The following DENND2C variants were observed in gnomAD, a reference collection of about 807,000 sequenced individuals.
DENND2C encodes DENN domain-containing protein 2C.
A neutral mutation model predicts 112.4 loss-of-function variants in DENND2C; 72 were observed. The ratio of observed to expected loss-of-function variants is 0.64; its 90% CI spans 0.53 to 0.78. The LOEUF (loss-of-function observed/expected upper bound fraction) is 0.78, where lower values mean the gene tolerates loss of function less well. Among genes scored for constraint, DENND2C ranks in the 30% least tolerant of loss-of-function variants. DENND2C has a pLI of 0.00. For missense variants in DENND2C, 992 were observed against 1,113.8 expected (o/e 0.89, Z 1.56); for synonymous variants, 329 against 381.6 (o/e 0.86, Z 1.61).
intron 1 of DENND2C, among the ~76,000 whole-genome samples, chr1:114,658,507 A>C (rs1657393328): frequency 6.6e-6 from 1 of 152,200 alleles, no homozygotes; most frequent in Non-Finnish European, 1.5e-5. Context: ...TAACAGCAAA[A>C]ATTAAAAAGA....
chr1:114,641,666 G>A (rs890982874), intron 3 of DENND2C, among the ~76,000 whole-genome samples: 3 of 152,042 alleles, frequency 2.0e-5, no homozygotes, highest in Admixed American at 2.0e-4. Context: ...AGATGCTAGG[G>A]TCATGCTTCT....
chr1:114,636,511 CAA>C (rs1348511896), intron 3 of DENND2C, among the ~76,000 whole-genome samples: 1 of 151,832 alleles, frequency 6.6e-6, no homozygotes, highest in African/African-American at 2.4e-5. Flanking sequence ...CAAAAAATAC[CAA>C]AATTAGCCAG....
chr1:114,631,416 A>T (rs1360800676), intron 3 of DENND2C, among the ~76,000 whole-genome samples: 1 of 152,176 alleles, frequency 6.6e-6, no homozygotes, highest in Non-Finnish European at 1.5e-5. Context: ...AATGTCCGTC[A>T]TCTAATCAAA....
chr1:114,617,052 T>C (rs187451586), intron 8 of DENND2C, among the ~76,000 whole-genome samples: 15 of 152,252 alleles, frequency 9.9e-5, no homozygotes, highest in Admixed American at 3.3e-4. Flanking sequence ...TTATTCACTC[T>C]CATGAGAATA....
chr1:114,631,671 A>G (rs1656493833), intron 3 of DENND2C, among the ~76,000 whole-genome samples: 1 of 152,052 alleles, frequency 6.6e-6, no homozygotes, highest in Admixed American at 6.6e-5. Flanking sequence ...AGTCCCAGCT[A>G]CTCGGGAGAC....
chr1:114,594,384 G>A (rs1268992045), intron 18 of DENND2C, 89 bp downstream of exon 18: 15 of 1,074,298 alleles, frequency 1.4e-5, no homozygotes, highest in Non-Finnish European at 2.0e-5. Flanking sequence ...ATGCTACTTT[G>A]GTATATCCTT....
In DENND2C at chr1:114,626,243, A is replaced by G. The variant is rs534001581; in HGVS notation, c.-204-55T>C. 12 of 357,536 alleles carry G rather than the reference A, an allele frequency of 3.4e-5. 1 individual carries two copies. The South Asian group carries it at 5.4e-4, about 16-fold the overall frequency. The allele number at this position is 357,536 out of a possible 1,614,324, so 22.1% of individuals were successfully genotyped here. A position where few individuals can be genotyped will look rare whatever the true frequency, so the allele number is the denominator to read the frequency against. ...ACATTTTATAATTTCCTAATTTAAAACTCCACTAAAACATTGCCCACCTAT... is the reference window on the plus strand; with the variant it reads ...ACATTTTATAATTTCCTAATTTAAAGCTCCACTAAAACATTGCCCACCTAT... On this transcript the variant is annotated intron_variant, in intron 3 of 20. Transcript: ENST00000393274.
intron 3 of DENND2C, among the ~76,000 whole-genome samples, chr1:114,636,161 T>C (rs1656651627): frequency 6.6e-6 from 1 of 151,952 alleles, no homozygotes; most frequent in South Asian, 2.1e-4. Context: ...TATGTATTTA[T>C]CTTAATAGAT....
At chr1:114,664,110 T>A (rs192965571) in intron 1 of DENND2C, among the ~76,000 whole-genome samples, 30 of 152,204 alleles carry the variant, frequency 2.0e-4, no homozygotes, top group Non-Finnish European at 3.5e-4. Context: ...GCTAATTTTT[T>A]AAAATTTTTT....
chr1:114,600,165 AAC>A (rs1263752268), intron 15 of DENND2C, 37 bp downstream of exon 15: 1 of 1,575,180 alleles, frequency 6.3e-7, no homozygotes, highest in Admixed American at 2.0e-5. Flanking sequence ...GAACAAATAA[AAC>A]ACCAGTGTGA....
chr1:114,605,083 A>G (rs1333756661), intron 10 of DENND2C, 52 bp from the exon 11 acceptor site: 3 of 1,357,374 alleles, frequency 2.2e-6, no homozygotes, highest in Non-Finnish European at 3.1e-6. Flanking sequence ...TAAGTGGGGA[A>G]TAGAAATAAA....
At chr1:114,656,100 C>A (rs966709895) in intron 1 of DENND2C, among the ~76,000 whole-genome samples, 39 of 151,548 alleles carry the variant, frequency 2.6e-4, no homozygotes, top group Non-Finnish European at 8.8e-5. Context: ...GGGGGTCTTG[C>A]TCTGTCATCC....
chr1:114,630,545 A>G (rs538018518), intron 3 of DENND2C, among the ~76,000 whole-genome samples: 4 of 152,312 alleles, frequency 2.6e-5, no homozygotes, highest in Admixed American at 2.0e-4. Context: ...TTCTCCCTGG[A>G]AACTCCAGAA....
rs1408988367 is a variant in DENND2C, at chr1:114,614,958, G to A, written c.1324+3428C>T. Among the ~76,000 whole-genome samples, 3 of 151,564 alleles carry A rather than the reference G, an allele frequency of 2.0e-5. No homozygotes were observed. In the East Asian group the frequency reaches 5.8e-4, roughly 29 times the overall value. On this transcript the variant is annotated intron_variant, in intron 8 of 20. Coordinates refer to ENST00000393274, the MANE Select transcript of DENND2C (RefSeq NM_001256404.2). ...AAACCCAGGAAGCAGAGGTTGCAGT[G>A]AGCCGAGATCGCACAACTGCACCCC...
chr1:114,600,279 C>G lies in DENND2C; in HGVS notation c.2030G>C (p.Ser677Thr). 1 of 1,614,118 alleles carries G rather than the reference C, an allele frequency of 6.2e-7. No homozygotes were observed. The change falls in exon 15 of 21, where the codon AGT becomes ACT. Residue 677 changes from serine to threonine, a missense_variant. Around this residue, in one of 3 missense-constraint regions of DENND2C, gnomAD observed 516 missense variants for 623.6 expected, o/e 0.83. Transcript: ENST00000393274. ...ACAGACCCGGATGAGATGACACACA[C>G]TCAGGCACTTAAAGAGACATTTAAA... ...VDFKCLFKCLSVCHLIRVCAS... is the reference protein window; with the variant it reads ...VDFKCLFKCLTVCHLIRVCAS...
At chr1:114,588,767 C>T (rs529338955) in intron 18 of DENND2C, among the ~76,000 whole-genome samples, 54 of 151,926 alleles carry the variant, frequency 3.6e-4, no homozygotes, top group Non-Finnish European at 6.9e-4. Context: ...GATTTTTTTT[C>T]CCCAAAATAC....
intron 3 of DENND2C, among the ~76,000 whole-genome samples, chr1:114,643,354 C>T (rs537092925): frequency 2.0e-5 from 3 of 152,226 alleles, no homozygotes; most frequent in East Asian, 3.9e-4. Flanking sequence ...ATTATTTAAT[C>T]GAAAGCCTCA....
intron 3 of DENND2C, among the ~76,000 whole-genome samples, chr1:114,629,136 A>T (rs1656422132): frequency 6.6e-6 from 1 of 152,244 alleles, no homozygotes; most frequent in South Asian, 2.1e-4. Context: ...CAGCTATTAA[A>T]AACTATTGAA....
intron 9 of DENND2C, among the ~76,000 whole-genome samples, chr1:114,610,699 CAAAAA>C (rs528172027): frequency 1.2e-5 from 1 of 83,412 alleles, no homozygotes; most frequent in Non-Finnish European, 2.5e-5. Flanking sequence ...GACTCCGTCT[CAAAAA>C]AAAAAAAAAA....
Sources: gnomAD v4.1 joint callset for allele counts (sites outside exome capture counted in the v4.1 genomes callset) on GRCh38, gnomAD v4.1.1 for gene constraint, gnomAD v4.1.1 regional missense constraint, MANE v1.5 for transcripts, NCBI Gene and HGNC (gene_info 2026-07-23, HGNC 2026-07-21) for gene names.